XRCC4: variants seen among roughly 807,000 people sequenced by gnomAD.
XRCC4 encodes the protein X-ray repair cross complementing 4.
XRCC4 carries 28 observed loss-of-function variants against 39.1 expected under a neutral mutation model. The observed-to-expected ratio is 0.72, with a 90% confidence interval of 0.53 to 0.98. XRCC4 has a LOEUF of 0.98. Among genes scored for constraint, XRCC4 ranks in the 50% least tolerant of loss-of-function variants. XRCC4 has a pLI of 0.00. For missense variants in XRCC4, 350 were observed against 376.4 expected (o/e 0.93, Z 0.58); for synonymous variants, 123 against 126.4 (o/e 0.97, Z 0.18).
At chr5:83,343,076 T>C (rs920154471) in intron 7 of XRCC4, among the ~76,000 whole-genome samples, 2 of 151,904 alleles carry the variant, frequency 1.3e-5, no homozygotes, top group Non-Finnish European at 2.9e-5. Flanking sequence ...TTGACTTTTT[T>C]TTTTTTAACC....
chr5:83,113,910 G>A (rs1746576169), intron 3 of XRCC4, among the ~76,000 whole-genome samples: 1 of 152,216 alleles, frequency 6.6e-6, no homozygotes, highest in Admixed American at 6.5e-5. Flanking sequence ...ACAGGCGTGA[G>A]CCACCGCACC....
intron 7 of XRCC4, among the ~76,000 whole-genome samples, chr5:83,301,231 T>A (rs1237999302): frequency 6.6e-6 from 1 of 152,232 alleles, no homozygotes; most frequent in Non-Finnish European, 1.5e-5. Context: ...CCACATCCTC[T>A]CCAGCATCTG....
At chr5:83,328,658 T>G (rs1294878453) in intron 7 of XRCC4, among the ~76,000 whole-genome samples, 1 of 151,996 alleles carries the variant, frequency 6.6e-6, no homozygotes, top group Non-Finnish European at 1.5e-5. Context: ...TTTCTGAAAT[T>G]TACATAGAAG....
chr5:83,344,415 C>CTTTTTTTTTTTTTTTTTTTTTTTTT (rs70973394), intron 7 of XRCC4, among the ~76,000 whole-genome samples: 1 of 115,240 alleles, frequency 8.7e-6, no homozygotes, highest in Non-Finnish European at 1.7e-5. Flanking sequence ...TTATTTTTCA[C>CTTTTTTTTTTTTTTTTTTTTTTTTT]TTTTTTTTTT....
At chr5:83,194,621 T>C (rs187571623) in intron 3 of XRCC4, among the ~76,000 whole-genome samples, 54 of 152,296 alleles carry the variant, frequency 3.5e-4, no homozygotes, top group Non-Finnish European at 6.8e-4. Flanking sequence ...AATGGCATAA[T>C]AGAAATTCAC....
chr5:83,195,195 A>G (rs1042146228), intron 3 of XRCC4, among the ~76,000 whole-genome samples: 2 of 152,114 alleles, frequency 1.3e-5, no homozygotes, highest in Non-Finnish European at 2.9e-5. Context: ...TAAGATTCTT[A>G]CCTTTATGCA....
chr5:83,326,669 T>C (rs1385420849), intron 7 of XRCC4, among the ~76,000 whole-genome samples: 2 of 152,110 alleles, frequency 1.3e-5, no homozygotes, highest in Admixed American at 6.6e-5. Flanking sequence ...ATAATGTGAG[T>C]TTTTTGTAAT....
intron 7 of XRCC4, among the ~76,000 whole-genome samples, chr5:83,343,584 T>G (rs1284517704): frequency 2.6e-5 from 4 of 152,210 alleles, no homozygotes; most frequent in African/African-American, 9.6e-5. Flanking sequence ...GCACAAGCTG[T>G]GGGCACACAA....
At chr5:83,222,632 C>G (rs1752129004) in intron 6 of XRCC4, among the ~76,000 whole-genome samples, 2 of 152,104 alleles carry the variant, frequency 1.3e-5, no homozygotes. Flanking sequence ...TGCATTTGTA[C>G]AGTTCACAGA....
chr5:83,295,170 G>A (rs932819635), intron 7 of XRCC4, among the ~76,000 whole-genome samples: 1 of 151,844 alleles, frequency 6.6e-6, no homozygotes, highest in Non-Finnish European at 1.5e-5. Flanking sequence ...ACTCTCAAGA[G>A]GGACATATAG....
At chr5:83,088,650 G>T (rs1417133490) in intron 1 of XRCC4, among the ~76,000 whole-genome samples, 2 of 152,052 alleles carry the variant, frequency 1.3e-5, no homozygotes, top group East Asian at 3.8e-4. Context: ...AATTCTTTTG[G>T]GGAAGTGTTT....
chr5:83,113,826 C>T (rs1168005536), intron 3 of XRCC4, among the ~76,000 whole-genome samples: 1 of 152,124 alleles, frequency 6.6e-6, no homozygotes, highest in East Asian at 1.9e-4. Flanking sequence ...CGGGGTTTCA[C>T]CATGTTAGCC....
chr5:83,295,881 T>G (rs1285323365), intron 7 of XRCC4, among the ~76,000 whole-genome samples: 2 of 152,034 alleles, frequency 1.3e-5, no homozygotes, highest in Admixed American at 6.6e-5. Context: ...GGGAACTGTG[T>G]TATTTGATTT....
At chr5:83,300,165 G>A (rs1755228384) in intron 7 of XRCC4, among the ~76,000 whole-genome samples, 1 of 152,060 alleles carries the variant, frequency 6.6e-6, no homozygotes, top group Non-Finnish European at 1.5e-5. Context: ...ATACTTTTTG[G>A]TTACAAAGTG....
intron 6 of XRCC4, among the ~76,000 whole-genome samples, chr5:83,228,276 G>A (rs536670786): frequency 3.3e-5 from 5 of 151,920 alleles, no homozygotes; most frequent in East Asian, 1.9e-4. Context: ...TTGAATGTAT[G>A]TGGTAGACTA....
At position 83,353,432 on chromosome 5, in the gene XRCC4, C is replaced by T. The variant is rs1315800366; in HGVS notation, c.*190C>T. ...ACAAAGATACGATTTGATGATGACACTGGCACATTATTCTAAACTATTCAT... is the reference window on the plus strand; with the variant it reads ...ACAAAGATACGATTTGATGATGACATTGGCACATTATTCTAAACTATTCAT... On this transcript the variant is annotated 3_prime_UTR_variant, in exon 8 of 8. Coordinates refer to ENST00000396027, the MANE Select transcript of XRCC4 (RefSeq NM_003401.5). 1 of 450,064 alleles carries T rather than the reference C, an allele frequency of 2.2e-6. No individual in the cohort carries two copies. The highest frequency in any genetic ancestry group is 4.0e-6 in the Non-Finnish European group (1 of 252,078). The allele number at this position is 450,064 out of a possible 1,614,324, so 27.9% of individuals were successfully genotyped here.
At chr5:83,260,171 G>A (rs1753701536) in intron 7 of XRCC4, among the ~76,000 whole-genome samples, 1 of 152,062 alleles carries the variant, frequency 6.6e-6, no homozygotes, top group African/African-American at 2.4e-5. Flanking sequence ...ATAACCCCTT[G>A]ATAGAGCTCA....
chr5:83,271,019 C>G (rs908640156), intron 7 of XRCC4, among the ~76,000 whole-genome samples: 2 of 151,922 alleles, frequency 1.3e-5, no homozygotes, highest in Non-Finnish European at 2.9e-5. Flanking sequence ...TTTATTTAGC[C>G]CATTTAATCA....
At chr5:83,340,402 G>T (rs1213459864) in intron 7 of XRCC4, among the ~76,000 whole-genome samples, 2 of 152,104 alleles carry the variant, frequency 1.3e-5, no homozygotes, top group Non-Finnish European at 2.9e-5. Context: ...TTGAAAATCA[G>T]CAGACCTTAA....
Sources: allele counts gnomAD v4.1 joint callset (sites outside exome capture counted in the v4.1 genomes callset), GRCh38; gene constraint gnomAD v4.1.1; transcripts MANE v1.5; gene names NCBI Gene and HGNC (gene_info 2026-07-23, HGNC 2026-07-21).